PACSIN1: variants seen among roughly 807,000 people sequenced by gnomAD.
PACSIN1 encodes protein kinase C and casein kinase substrate in neurons protein 1.
Under a neutral mutation model 59.5 loss-of-function variants are expected in PACSIN1, and 15 were observed. The ratio of observed to expected loss-of-function variants is 0.25; its 90% confidence interval spans 0.17 to 0.39. The LOEUF is 0.39. Among genes scored for constraint, PACSIN1 ranks in the 10% least tolerant of loss-of-function variants. The pLI is 1.00. For missense variants in PACSIN1, 420 were observed against 580.2 expected (o/e 0.72, Z 2.84); for synonymous variants, 210 against 220.6 (o/e 0.95, Z 0.42).
intron 3 of PACSIN1, among the ~76,000 whole-genome samples, chr6:34,528,275 C>A (rs1935297324): frequency 6.6e-6 from 1 of 152,258 alleles, no homozygotes. Context: ...ATTCCTGGAG[C>A]ACCTACTGTG....
At position 34,515,717 on chromosome 6, in the gene PACSIN1, C is replaced by T. The variant is rs1179899645; in HGVS notation, c.-63-10526C>T. The stretch of plus-strand genomic sequence containing the variant: ...CCCCCATGCCCATCCCCAGCAAGCC[C>T]AGGGTCTCCAAGTTGGGGTACCAGG... On this transcript the variant is annotated intron_variant, in intron 1 of 9. Coordinates refer to ENST00000244458, the MANE Select transcript of PACSIN1 (RefSeq NM_020804.5). This position sits in a 1 kb window ranked among gnomAD's most constrained non-coding sequence, Gnocchi z 4.4. Among the ~76,000 whole-genome samples, 1 of 152,224 alleles carries T rather than the reference C, an allele frequency of 6.6e-6. No individual in the cohort carries two copies. The highest frequency in any genetic ancestry group is 1.5e-5 in the Non-Finnish European group (1 of 68,044).
chr6:34,499,322 A>AG (rs1354177487), intron 1 of PACSIN1, among the ~76,000 whole-genome samples: 3 of 151,760 alleles, frequency 2.0e-5, no homozygotes, highest in Admixed American at 6.6e-5. Context: ...GCTAAATACA[A>AG]GGTTCCTTGC....
chr6:34,475,319 A>T (rs78427111), intron 1 of PACSIN1, among the ~76,000 whole-genome samples: 51 of 151,624 alleles, frequency 3.4e-4, no homozygotes, highest in African/African-American at 1.2e-3. Context: ...AAAAAAAATT[A>T]AAAAAACACA....
rs1414063111 is a variant in PACSIN1 at position 34,515,902 on chromosome 6, G to T, written c.-63-10341G>T. On this transcript the variant is annotated intron_variant, in intron 1 of 9. Transcript: ENST00000244458. The surrounding 1 kb of genome is among the most constrained non-coding windows in gnomAD (Gnocchi z 4.4). ...CTGCCAGCTGCTCAGGAGGGGGCAGGGTGGGGTGCAGGGGAGGAGCTGGGC... is the reference window on the plus strand; with the variant it reads ...CTGCCAGCTGCTCAGGAGGGGGCAGTGTGGGGTGCAGGGGAGGAGCTGGGC... Among the ~76,000 whole-genome samples, 1 of 152,090 alleles carries T rather than the reference G, an allele frequency of 6.6e-6. No homozygotes were observed. The highest frequency in any genetic ancestry group is 2.4e-5 in the African/African-American group (1 of 41,414).
At position 34,532,551 on chromosome 6, in the gene PACSIN1, C is replaced by T. The variant is rs750721747; in HGVS notation, c.*21C>T. Reference sequence around the variant, plus strand: ...TCTAGAGGCCCCCTCCCTCCATACTCCCGTCACTCCTCCCCACTGCCGCCC... The same window carrying T: ...TCTAGAGGCCCCCTCCCTCCATACTTCCGTCACTCCTCCCCACTGCCGCCC... On this transcript the variant is annotated 3_prime_UTR_variant, in exon 10 of 10. Coordinates refer to ENST00000244458, the MANE Select transcript of PACSIN1 (RefSeq NM_020804.5). The surrounding 1 kb of genome is among the most constrained non-coding windows in gnomAD (Gnocchi z 5.2). The T allele has an allele frequency of 7.2e-7, 1 of 1,382,084 alleles. No individual in the cohort carries two copies. The highest frequency in any genetic ancestry group is 1.0e-6 in the Non-Finnish European group (1 of 998,114). The allele number at this position is 1,382,084 out of a possible 1,614,324, so 85.6% of individuals were successfully genotyped here.
rs79773240 is a variant in PACSIN1, at chr6:34,510,146, G to A, written c.-63-16097G>A. On this transcript the variant is annotated intron_variant, in intron 1 of 9. Coordinates refer to ENST00000244458, the MANE Select transcript of PACSIN1 (RefSeq NM_020804.5). ...CTTCCAATTTGGAGATGTTAAGAAC[G>A]AAGCTTCTATGAACATTCTTGGACG... Among the ~76,000 whole-genome samples, 96 of 152,364 alleles carry A rather than the reference G, an allele frequency of 6.3e-4. No individual in the cohort carries two copies. In the East Asian group the frequency reaches 0.011, roughly 17 times the overall value.
intron 1 of PACSIN1, among the ~76,000 whole-genome samples, chr6:34,490,993 G>T (rs1487437513): frequency 6.6e-6 from 1 of 151,768 alleles, no homozygotes; most frequent in East Asian, 1.9e-4. Context: ...CATAGTCTTC[G>T]AGCAGGGGGA....
Position 34,529,644 on chromosome 6 carries a change from C to G in PACSIN1, c.613-22C>G. 1 of 1,613,102 alleles carries G rather than the reference C, an allele frequency of 6.2e-7. No homozygotes were observed. On this transcript the variant is annotated intron_variant, in intron 5 of 9. Coordinates refer to ENST00000244458, the MANE Select transcript of PACSIN1 (RefSeq NM_020804.5). This position sits in a 1 kb window ranked among gnomAD's most constrained non-coding sequence, Gnocchi z 6.3. ...TGCAGGCCTGGCTAGGTGTCACCCTCTCTCCACTCTGGTGCCCACAGACAC... is the reference window on the plus strand; with the variant it reads ...TGCAGGCCTGGCTAGGTGTCACCCTGTCTCCACTCTGGTGCCCACAGACAC...
chr6:34,529,390 C>T lies in PACSIN1; in HGVS notation c.457-7C>T, dbSNP rs181445485. ...AAACCCTACTCCCTATTCCCCCCTC[C>T]CCACAGCTGGAGGCAGCCAAGAAGG... On this transcript the variant is annotated splice_region_variant and splice_polypyrimidine_tract_variant and intron_variant, in intron 4 of 9. Coordinates refer to ENST00000244458, the MANE Select transcript of PACSIN1 (RefSeq NM_020804.5). The surrounding 1 kb of genome is among the most constrained non-coding windows in gnomAD (Gnocchi z 6.3). 179 of 1,614,092 alleles carry T rather than the reference C, an allele frequency of 1.1e-4. No individual in the cohort carries two copies. The highest frequency in any genetic ancestry group is 1.6e-4 in the Middle Eastern group (1 of 6,062).
rs1767286348 is a variant in PACSIN1, at chr6:34,516,064, A to T, written c.-63-10179A>T. Among the ~76,000 whole-genome samples, 2 of 152,098 alleles carry T rather than the reference A, an allele frequency of 1.3e-5. No individual in the cohort carries two copies. The highest frequency in any genetic ancestry group is 4.1e-4 in the South Asian group (2 of 4,834). On this transcript the variant is annotated intron_variant, in intron 1 of 9. Coordinates refer to ENST00000244458, the MANE Select transcript of PACSIN1 (RefSeq NM_020804.5). This position sits in a 1 kb window ranked among gnomAD's most constrained non-coding sequence, Gnocchi z 5.4. ...CATAGGGAGGAGATGCTAGCCTGCAAGGGGCAGAAGGTTGATGTGTGCAAC... is the reference window on the plus strand; with the variant it reads ...CATAGGGAGGAGATGCTAGCCTGCATGGGGCAGAAGGTTGATGTGTGCAAC...
chr6:34,532,326 T>C lies in PACSIN1; in HGVS notation c.1226-95T>C, dbSNP rs928344173. The stretch of plus-strand genomic sequence containing the variant: ...AAGAATCTAAAACCCAGTGCAGTAA[T>C]CAGGAGGTGGGTATTGGAGGGTTCC... On this transcript the variant is annotated intron_variant, in intron 9 of 9. Transcript: ENST00000244458. This position sits in a 1 kb window ranked among gnomAD's most constrained non-coding sequence, Gnocchi z 5.2. 15 of 788,072 alleles carry C rather than the reference T, an allele frequency of 1.9e-5. No individual in the cohort carries two copies. Among genetic ancestry groups the C allele is most frequent in the South Asian group, 3.2e-5 (2 of 62,632 alleles). 48.8% of individuals were successfully genotyped at this position (788,072 alleles called of 1,614,324 possible). A position where few individuals can be genotyped will look rare whatever the true frequency, so the allele number is the denominator to read the frequency against.
In PACSIN1 at chr6:34,486,010, G is replaced by C. The variant is rs532179432; in HGVS notation, c.-64+19740G>C. On this transcript the variant is annotated intron_variant, in intron 1 of 9. Coordinates refer to ENST00000244458, the MANE Select transcript of PACSIN1 (RefSeq NM_020804.5). ...GTGGGCGGCACTGGGTGGTCTAGGG[G>C]GCCCTTTTGACTTTCTCTTAAATGA... Among the ~76,000 whole-genome samples the C allele has an allele frequency of 1.3e-3, 194 of 152,264 alleles. 1 individual carries two copies. Among genetic ancestry groups the C allele is most frequent in the Middle Eastern group, 6.8e-3 (2 of 294 alleles).
chr6:34,522,152 G>A (rs768182594), intron 1 of PACSIN1, among the ~76,000 whole-genome samples: 47 of 152,198 alleles, frequency 3.1e-4, no homozygotes, highest in Non-Finnish European at 5.4e-4. Flanking sequence ...CCTTGCTTCC[G>A]CTCTCCCTCA....
chr6:34,515,816 C>T lies in PACSIN1; in HGVS notation c.-63-10427C>T, dbSNP rs372375646. On this transcript the variant is annotated intron_variant, in intron 1 of 9. Transcript: ENST00000244458. This position sits in a 1 kb window ranked among gnomAD's most constrained non-coding sequence, Gnocchi z 4.4. ...CTCCCTGTCCCTCTGCTGCATTGCT[C>T]CTGGGGACAGACTCGCTGCTGCTGG... Among the ~76,000 whole-genome samples the T allele has an allele frequency of 1.4e-4, 21 of 152,304 alleles. No homozygotes were observed. The highest frequency in any genetic ancestry group is 3.4e-3 in the Middle Eastern group (1 of 294).
At chr6:34,486,102 G>A (rs755310646) in intron 1 of PACSIN1, among the ~76,000 whole-genome samples, 2 of 152,090 alleles carry the variant, frequency 1.3e-5, no homozygotes, top group Non-Finnish European at 2.9e-5. Context: ...CGATCATTCA[G>A]GAGAGGGGAG....
chr6:34,467,756 C>T (rs1485368715), intron 1 of PACSIN1, among the ~76,000 whole-genome samples: 1 of 152,042 alleles, frequency 6.6e-6, no homozygotes, highest in African/African-American at 2.4e-5. Flanking sequence ...CGGGGTTTCT[C>T]CATGTTGGTC....
chr6:34,527,767 C>G (rs1477728788), intron 3 of PACSIN1: 1 of 276,086 alleles, frequency 3.6e-6, no homozygotes, highest in Non-Finnish European at 6.7e-6. Context: ...TCCTACATAC[C>G]CTTCCCCCAG....
chr6:34,491,902 G>A (rs1376110790), intron 1 of PACSIN1, among the ~76,000 whole-genome samples: 1 of 151,924 alleles, frequency 6.6e-6, no homozygotes, highest in Non-Finnish European at 1.5e-5. Flanking sequence ...GTGAACCACC[G>A]CGCCCGGCCC....
chr6:34,480,368 G>T (rs1200647027), intron 1 of PACSIN1, among the ~76,000 whole-genome samples: 1 of 148,780 alleles, frequency 6.7e-6, no homozygotes, highest in East Asian at 1.9e-4. Context: ...GGGACCACAG[G>T]TGTGCACCAC....
Sources: allele counts gnomAD v4.1 joint callset (sites outside exome capture counted in the v4.1 genomes callset), GRCh38; gene constraint gnomAD v4.1.1; non-coding constraint Gnocchi (gnomAD v3.1); transcripts MANE v1.5; gene names NCBI Gene and HGNC (gene_info 2026-07-23, HGNC 2026-07-21).